The following RAPGEF2 variants were observed in gnomAD, a reference collection of about 807,000 sequenced individuals.
RAPGEF2 encodes the protein Rap guanine nucleotide exchange factor 2.
RAPGEF2 carries 54 observed loss-of-function variants against 186.7 expected under a neutral mutation model. The observed-to-expected ratio is 0.29, with a 90% CI of 0.23 to 0.36. RAPGEF2 has a LOEUF of 0.36. Ranked by LOEUF, RAPGEF2 falls within the 10% of genes least tolerant of loss-of-function variation. The probability of loss-of-function intolerance (pLI) is 1.00; values close to 1 mark genes in which losing one functional copy is unlikely to be tolerated. For missense variants in RAPGEF2, 1,532 were observed against 2,045.0 expected (o/e 0.75, Z 4.84); for synonymous variants, 712 against 705.9 (o/e 1.01, Z -0.14).
intron 1 of RAPGEF2, among the ~76,000 whole-genome samples, chr4:159,157,074 T>C (rs1344534201): frequency 6.6e-6 from 1 of 152,190 alleles, no homozygotes; most frequent in African/African-American, 2.4e-5. Flanking sequence ...TTCATTGGCC[T>C]TTCACTTTAT....
intron 1 of RAPGEF2, among the ~76,000 whole-genome samples, chr4:159,111,079 A>G (rs1399057531): frequency 6.6e-6 from 1 of 151,130 alleles, no homozygotes; most frequent in African/African-American, 2.4e-5. Context: ...CTGAATTTTA[A>G]GAAGCGTGTG....
chr4:159,238,916 C>T lies in RAPGEF2; in HGVS notation c.357+32C>T, dbSNP rs894193213. ...GTATTTCTGTGAGGACTATTTTTCCCCTAAAAAATTGTATGAAATAAAGGC... is the reference window on the plus strand; with the variant it reads ...GTATTTCTGTGAGGACTATTTTTCCTCTAAAAAATTGTATGAAATAAAGGC... On this transcript the variant is annotated intron_variant, in intron 5 of 29. Coordinates refer to ENST00000691494, the MANE Select transcript of RAPGEF2 (RefSeq NM_001394067.2). 1.2e-5 allele frequency: 17 copies of T among 1,386,128 alleles called. No individual in the cohort carries two copies. The African/African-American group carries it at 1.8e-4, about 14-fold the overall frequency. 85.9% of individuals were successfully genotyped at this position (1,386,128 alleles called of 1,614,324 possible). A position where few individuals can be genotyped will look rare whatever the true frequency, so the allele number is the denominator to read the frequency against.
chr4:159,107,707 A>G lies in RAPGEF2; in HGVS notation c.69+3476A>G, dbSNP rs371063789. Among the ~76,000 whole-genome samples the G allele has an allele frequency of 3.3e-5, 5 of 152,312 alleles. No homozygotes were observed. In the East Asian group the frequency reaches 5.8e-4, roughly 18 times the overall value. On this transcript the variant is annotated intron_variant, in intron 1 of 29. Coordinates refer to ENST00000691494, the MANE Select transcript of RAPGEF2 (RefSeq NM_001394067.2). ...CTTAATTCATTGCTAAGTACTTGGT[A>G]GAATTCATCGTGAGTCATAATGAGA...
intron 2 of RAPGEF2, among the ~76,000 whole-genome samples, chr4:159,190,796 C>G (rs1748047294): frequency 6.6e-6 from 1 of 152,132 alleles, no homozygotes; most frequent in Non-Finnish European, 1.5e-5. Context: ...GGGAACCAGC[C>G]CCATAATTCA....
At chr4:159,248,616 A>T (rs936545106) in intron 7 of RAPGEF2, among the ~76,000 whole-genome samples, 1 of 152,234 alleles carries the variant, frequency 6.6e-6, no homozygotes, top group Non-Finnish European at 1.5e-5. Context: ...AAGCTGCTAT[A>T]GTGGTCTCAA....
intron 1 of RAPGEF2, among the ~76,000 whole-genome samples, chr4:159,112,741 A>G (rs1229582605): frequency 6.6e-6 from 1 of 152,200 alleles, no homozygotes; most frequent in Non-Finnish European, 1.5e-5. Flanking sequence ...GGAATCATCA[A>G]TGGATGCCAA....
At chr4:159,226,235 AG>A (rs1464285734) in intron 4 of RAPGEF2, among the ~76,000 whole-genome samples, 2 of 152,186 alleles carry the variant, frequency 1.3e-5, no homozygotes, top group East Asian at 3.8e-4. Flanking sequence ...TATTGAAAAA[AG>A]TATCTTCAAT....
chr4:159,337,813 C>T (rs1202123910), intron 17 of RAPGEF2, among the ~76,000 whole-genome samples: 7 of 140,080 alleles, frequency 5.0e-5, no homozygotes, highest in African/African-American at 1.9e-4. Context: ...TGGCATGAAC[C>T]TGGGAGATGG....
intron 3 of RAPGEF2, among the ~76,000 whole-genome samples, chr4:159,196,293 AATTTGTG>A (rs1471142373): frequency 1.3e-5 from 2 of 152,132 alleles, no homozygotes; most frequent in East Asian, 3.9e-4. Context: ...TATATATATA[AATTTGTG>A]ATAATAATAG....
intron 7 of RAPGEF2, among the ~76,000 whole-genome samples, chr4:159,297,420 A>G (rs1946625220): frequency 6.6e-6 from 1 of 152,230 alleles, no homozygotes; most frequent in Non-Finnish European, 1.5e-5. Context: ...TAATAAGGCA[A>G]TACACATAAA....
chr4:159,136,841 T>C (rs1311351013), intron 1 of RAPGEF2, among the ~76,000 whole-genome samples: 1 of 152,146 alleles, frequency 6.6e-6, no homozygotes, highest in Non-Finnish European at 1.5e-5. Context: ...AAGGAATAAT[T>C]TTTGGAAATG....
chr4:159,336,977 G>A (rs1405239129), intron 17 of RAPGEF2, among the ~76,000 whole-genome samples: 2 of 152,134 alleles, frequency 1.3e-5, no homozygotes, highest in African/African-American at 4.8e-5. Flanking sequence ...TTCTGTGTGT[G>A]TTTGCTTATT....
At chr4:159,237,111 C>G (rs1005055823) in intron 4 of RAPGEF2, among the ~76,000 whole-genome samples, 1 of 152,156 alleles carries the variant, frequency 6.6e-6, no homozygotes, top group African/African-American at 2.4e-5. Context: ...ACCTCTGCCT[C>G]CCATGCTCAA....
At chr4:159,186,374 A>C (rs901227806) in intron 1 of RAPGEF2, among the ~76,000 whole-genome samples, 3 of 152,104 alleles carry the variant, frequency 2.0e-5, no homozygotes, top group Admixed American at 1.3e-4. Flanking sequence ...ACAGGTGATA[A>C]AGAACGATTT....
chr4:159,159,785 T>C lies in RAPGEF2; in HGVS notation c.70-26857T>C, dbSNP rs1218220481. Reference sequence around the variant, plus strand: ...TGATTTAAACTGACAGTGTGAACAATAGTGTTCTCAACTCGTATAGCAGCA... The same window carrying C: ...TGATTTAAACTGACAGTGTGAACAACAGTGTTCTCAACTCGTATAGCAGCA... On this transcript the variant is annotated intron_variant, in intron 1 of 29. Transcript: ENST00000691494. Among the ~76,000 whole-genome samples, 3 of 152,324 alleles carry C rather than the reference T, an allele frequency of 2.0e-5. No individual in the cohort carries two copies. In the East Asian group the frequency reaches 5.8e-4, roughly 29 times the overall value.
At chr4:159,286,296 C>G (rs1760483716) in intron 7 of RAPGEF2, among the ~76,000 whole-genome samples, 1 of 152,092 alleles carries the variant, frequency 6.6e-6, no homozygotes. Flanking sequence ...ATGTTCTTCT[C>G]TCCATCTCCA....
rs1462714026 is a variant in RAPGEF2, at chr4:159,345,295, A to G, written c.3468A>G (p.Thr1156=). ...ELEMDEESLQ[T]LSLQCEPATN... ...AAATGGACGAGGAGAGTCTTCAGAC[A>G]TTATCTCTGCAGTGTGAGCCAGCAA... The change falls in exon 24 of 30, where the codon ACA becomes ACG. Residue 1156 remains threonine (T), a synonymous_variant. Coordinates refer to ENST00000691494, the MANE Select transcript of RAPGEF2 (RefSeq NM_001394067.2). The G allele has an allele frequency of 2.5e-6, 4 of 1,614,182 alleles. No homozygotes were observed. The highest frequency in any genetic ancestry group is 3.4e-6 in the Non-Finnish European group (4 of 1,180,026).
At chr4:159,232,772 C>T (rs1038957135) in intron 4 of RAPGEF2, among the ~76,000 whole-genome samples, 1 of 152,124 alleles carries the variant, frequency 6.6e-6, no homozygotes, top group Admixed American at 6.5e-5. Flanking sequence ...TCCAAGTCCT[C>T]CACATTATTT....
At chr4:159,219,025 A>G (rs1486645405) in intron 4 of RAPGEF2, among the ~76,000 whole-genome samples, 1 of 152,204 alleles carries the variant, frequency 6.6e-6, no homozygotes, top group Non-Finnish European at 1.5e-5. Context: ...ATCTATGCAT[A>G]TATGTATAAC....
Sources: gnomAD v4.1 joint callset for allele counts (sites outside exome capture counted in the v4.1 genomes callset) on GRCh38, gnomAD v4.1.1 for gene constraint, MANE v1.5 for transcripts, NCBI Gene and HGNC (gene_info 2026-07-23, HGNC 2026-07-21) for gene names.